The following NDUFA10 variants were observed in gnomAD, a reference collection of about 807,000 sequenced individuals.
NDUFA10 encodes the protein NADH dehydrogenase [ubiquinone] 1 alpha subcomplex subunit 10, mitochondrial.
A neutral mutation model predicts 47.8 loss-of-function variants in NDUFA10; 40 were observed. That is an observed-to-expected ratio of 0.84 (90% CI 0.65 to 1.09). NDUFA10 has a LOEUF of 1.09. Ranked by LOEUF, NDUFA10 falls within the 50% of genes least tolerant of loss-of-function variation. The pLI is 0.00. For synonymous variants in NDUFA10, 183 were observed against 172.2 expected (o/e 1.06, Z -0.49); for missense variants, 413 against 451.1 (o/e 0.92, Z 0.76).
chr2:239,893,191 G>A (rs1333461629), intron 5 of NDUFA10, among the ~76,000 whole-genome samples: 1 of 152,188 alleles, frequency 6.6e-6, no homozygotes, highest in Non-Finnish European at 1.5e-5. Flanking sequence ...GGGCTGATGC[G>A]GCTCAATCAG....
intron 4 of NDUFA10, among the ~76,000 whole-genome samples, chr2:239,902,165 C>T (rs1383040760): frequency 6.6e-6 from 1 of 152,150 alleles, no homozygotes; most frequent in Admixed American, 6.5e-5. Context: ...AGAAGTTCTA[C>T]TATGGATAAA....
At chr2:239,934,373 C>T (rs1455660670) in intron 4 of NDUFA10, among the ~76,000 whole-genome samples, 1 of 151,412 alleles carries the variant, frequency 6.6e-6, no homozygotes, top group Non-Finnish European at 1.5e-5. Context: ...TCCCCACCCC[C>T]ACCCCCAGCC....
chr2:239,998,219 T>G (rs543995613), intron 8 of NDUFA10, among the ~76,000 whole-genome samples: 15 of 152,138 alleles, frequency 9.9e-5, no homozygotes, highest in Non-Finnish European at 2.2e-4. Flanking sequence ...GTCATTTCAG[T>G]CCCCTCACCC....
At chr2:239,970,313 A>C (rs1695257629) in intron 9 of NDUFA10, among the ~76,000 whole-genome samples, 1 of 152,226 alleles carries the variant, frequency 6.6e-6, no homozygotes, top group African/African-American at 2.4e-5. Flanking sequence ...AAAATACTCA[A>C]CAAAATGAAG....
At chr2:239,990,642 G>A (rs1441198670) in intron 8 of NDUFA10, among the ~76,000 whole-genome samples, 2 of 152,184 alleles carry the variant, frequency 1.3e-5, no homozygotes, top group African/African-American at 4.8e-5. Context: ...TGGGGTTGCA[G>A]CCAGCGTCTT....
Position 239,960,485 on chromosome 2 carries a change from A to G in NDUFA10, c.*633T>C, listed in dbSNP as rs1054194611. The G allele has an allele frequency of 3.0e-6, 3 of 990,532 alleles. No homozygotes were observed. The highest frequency in any genetic ancestry group is 5.7e-5 in the Admixed American group (1 of 17,636). 61.4% of individuals were successfully genotyped at this position (990,532 alleles called of 1,614,324 possible). A position where few individuals can be genotyped will look rare whatever the true frequency, so the allele number is the denominator to read the frequency against. On this transcript the variant is annotated 3_prime_UTR_variant, in exon 10 of 10. Coordinates refer to ENST00000252711, the MANE Select transcript of NDUFA10 (RefSeq NM_004544.4). ...AGGACGGCCACGTGAATCTTTCTCA[A>G]CGTCTCTCTTAAAACATATTGTTCT...
chr2:239,927,006 A>C (rs1246734637), intron 4 of NDUFA10, among the ~76,000 whole-genome samples: 2 of 152,142 alleles, frequency 1.3e-5, no homozygotes, highest in African/African-American at 4.8e-5. Context: ...CACTGTGACA[A>C]GAACAGCATG....
At chr2:240,012,371 G>C (rs1013260855) in intron 5 of NDUFA10, 25 of 159,726 alleles carry the variant, frequency 1.6e-4, no homozygotes, top group African/African-American at 5.6e-4. Context: ...GCTTGCTGTA[G>C]GTCTCCCCCA....
At chr2:239,899,488 G>A (rs1243975089) in intron 4 of NDUFA10, among the ~76,000 whole-genome samples, 1 of 124,572 alleles carries the variant, frequency 8.0e-6, no homozygotes, top group East Asian at 2.0e-4. Flanking sequence ...ATGGAGAGGT[G>A]TGATGGAGGG....
chr2:239,975,263 C>T (rs1695474434), intron 9 of NDUFA10, among the ~76,000 whole-genome samples: 1 of 152,352 alleles, frequency 6.6e-6, no homozygotes, highest in Non-Finnish European at 1.5e-5. Context: ...GAGGCCTCCC[C>T]AGAAGCAGAA....
chr2:240,025,164 T>TGGCCCCCCCCCCCCC, intron 1 of NDUFA10, 63 bp downstream of exon 1: 1 of 594,916 alleles, frequency 1.7e-6, no homozygotes, highest in Non-Finnish European at 2.7e-6. Flanking sequence ...GTGGAACTGC[T>TGGCCCCCCCCCCCCC]CCCCACCCCG....
intron 8 of NDUFA10, among the ~76,000 whole-genome samples, chr2:240,002,697 G>A (rs1214916406): frequency 1.3e-5 from 2 of 152,008 alleles, no homozygotes; most frequent in African/African-American, 2.4e-5. Context: ...TGCCTACCTT[G>A]CTCACCCTTC....
rs1239698954 is a variant in NDUFA10, at chr2:239,959,051, A to G, written c.*2067T>C. The G allele has an allele frequency of 1.5e-5, 15 of 985,362 alleles. No homozygotes were observed. The highest frequency in any genetic ancestry group is 1.7e-5 in the Non-Finnish European group (14 of 829,952). The allele number at this position is 985,362 out of a possible 1,614,324, so 61.0% of individuals were successfully genotyped here. ...TTCTTGAGGCTTCTATGTGGAGAGA[A>G]GAATTGGACAGTGTTTATTCATCTT... On this transcript the variant is annotated 3_prime_UTR_variant, in exon 10 of 10. Transcript: ENST00000252711.
intron 6 of NDUFA10, among the ~76,000 whole-genome samples, chr2:240,010,787 T>G (rs1697110216): frequency 6.6e-6 from 1 of 152,228 alleles, no homozygotes; most frequent in Admixed American, 6.5e-5. Flanking sequence ...GGCTGTTCAT[T>G]GTAAATATTC....
downstream of NDUFA10, among the ~76,000 whole-genome samples, chr2:239,953,976 G>A (rs891422351): frequency 3.9e-5 from 6 of 152,078 alleles, no homozygotes; most frequent in East Asian, 3.9e-4. Flanking sequence ...CGACCGCCTC[G>A]GGGCTGTGAA....
chr2:239,919,127 C>G (rs1338324087), intron 4 of NDUFA10, among the ~76,000 whole-genome samples: 1 of 152,208 alleles, frequency 6.6e-6, no homozygotes, highest in Non-Finnish European at 1.5e-5. Flanking sequence ...CTGACACCCA[C>G]TGCTGAGGAG....
chr2:240,022,101 A>T (rs1697646786), intron 2 of NDUFA10, 71 bp downstream of exon 2: 10 of 1,384,966 alleles, frequency 7.2e-6, no homozygotes, highest in Non-Finnish European at 8.9e-6. Flanking sequence ...TTAATATTGA[A>T]GAAAAACCAG....
chr2:239,902,092 G>A (rs113960493), intron 4 of NDUFA10, among the ~76,000 whole-genome samples: 86 of 152,226 alleles, frequency 5.6e-4, no homozygotes, highest in African/African-American at 1.8e-3. Context: ...CATAAACTTC[G>A]TTAATAAAGC....
At position 239,958,268 on chromosome 2, in the gene NDUFA10, C is replaced by T. The variant is rs1694715869; in HGVS notation, c.*2850G>A. 1 of 152,316 alleles carries T rather than the reference C, an allele frequency of 6.6e-6. No individual in the cohort carries two copies. The highest frequency in any genetic ancestry group is 6.5e-5 in the Admixed American group (1 of 15,294). The allele number at this position is 152,316 out of a possible 1,614,324, so 9.4% of individuals were successfully genotyped here. ...TGTGAGCACGGACTATGCTTCTTCC[C>T]AGAAAGTAGCCGCCTGCTTGCTTCT... On this transcript the variant is annotated 3_prime_UTR_variant, in exon 10 of 10. Transcript: ENST00000252711.
Sources: allele counts gnomAD v4.1 joint callset (sites outside exome capture counted in the v4.1 genomes callset), GRCh38; gene constraint gnomAD v4.1.1; transcripts MANE v1.5; gene names NCBI Gene and HGNC (gene_info 2026-07-23, HGNC 2026-07-21).